Variants in ZNF318 observed in about 807,000 individuals in gnomAD.
ZNF318 encodes the protein zinc finger protein 318, also known as endocrine regulator.
ZNF318 carries 51 observed loss-of-function variants against 124.2 expected under a neutral mutation model. The ratio of observed to expected loss-of-function variants is 0.41; its 90% CI spans 0.33 to 0.52. The LOEUF is 0.52. ZNF318 is among the 20% of genes least tolerant of loss of function. ZNF318 has a pLI of 0.23. For synonymous variants in ZNF318, 1,090 were observed against 1,040.7 expected, an observed-to-expected ratio of 1.05 and a Z score of -0.91; for missense variants, 2,815 against 2,811.2, an observed-to-expected ratio of 1.00 and a Z score of -0.03.
intron 9 of ZNF318, 90 bp from the exon 10 acceptor site, chr6:43,340,592 G>A: frequency 6.7e-7 from 1 of 1,490,978 alleles, no homozygotes; most frequent in South Asian, 1.4e-5. Flanking sequence ...TCATTTAGTA[G>A]AAATCCCCAG....
chr6:43,348,527 C>T lies in ZNF318; in HGVS notation c.2869G>A (p.Ala957Thr), dbSNP rs1779480348. Residue 957 changes from alanine (A) to threonine (T), a missense_variant, in exon 6 of 10, where the codon GCA becomes ACA. This residue lies in a region of ZNF318 where 1,377 missense variants were observed against 1,353.5 expected (regional missense o/e 1.02). Coordinates refer to ENST00000361428, the MANE Select transcript of ZNF318 (RefSeq NM_014345.3). ...RLQDNIMKDIAELRQEAEEAE... is the reference protein window; with the variant it reads ...RLQDNIMKDITELRQEAEEAE... ...TCTTCTGCCTCTTGCCGTAGCTCTGCAATGTCCTTCATAATGTTATCCTGA... is the reference window on the plus strand; with the variant it reads ...TCTTCTGCCTCTTGCCGTAGCTCTGTAATGTCCTTCATAATGTTATCCTGA... The T allele has an allele frequency of 6.2e-7, 1 of 1,614,168 alleles. No homozygotes were observed.
rs1256271625 is a variant in ZNF318 at position 43,337,962 on chromosome 6, A to G, written c.6036T>C (p.Thr2012=). 2 of 1,614,232 alleles carry G rather than the reference A, an allele frequency of 1.2e-6. No homozygotes were observed. The highest frequency in any genetic ancestry group is 1.7e-6 in the Non-Finnish European group (2 of 1,180,038). Residue 2012 remains threonine, a synonymous_variant, in exon 10 of 10, where the codon ACT becomes ACC. Coordinates refer to ENST00000361428, the MANE Select transcript of ZNF318 (RefSeq NM_014345.3). The part of the protein sequence containing the change: ...EATDLKVEEL[T]ALGNLGDMPV... ...GCATATCCCCCAGATTCCCCAGGGC[A>G]GTAAGCTCCTCTACCTTTAAGTCTG...
Position 43,337,652 on chromosome 6 carries a change from C to A in ZNF318, c.6346G>T (p.Gly2116Cys). Residue 2116 changes from glycine to cysteine, a missense_variant, in exon 10 of 10, where the codon GGC becomes TGC. By Grantham distance (159) the Gly-to-Cys change is radical. Transcript: ENST00000361428. The part of the protein sequence containing the change: ...KTGLTENVDR[G>C]LGGLEGTHQA... ...TGTGTTCCCTCTAGGCCCCCCAAGC[C>A]ACGGTCAACATTTTCTGTAAGTCCA... is the stretch of plus-strand genomic sequence containing the variant. 1 of 1,614,130 alleles carries A rather than the reference C, an allele frequency of 6.2e-7. No individual in the cohort carries two copies. Among genetic ancestry groups the A allele is most frequent in the East Asian group, 2.2e-5 (1 of 44,880 alleles).
In ZNF318 at chr6:43,340,425, C is replaced by A. The variant is rs1453055822; in HGVS notation, c.3573G>T (p.Glu1191Asp). The A allele has an allele frequency of 6.2e-7, 1 of 1,614,142 alleles. No homozygotes were observed. The highest frequency in any genetic ancestry group is 8.5e-7 in the Non-Finnish European group (1 of 1,180,034). Residue 1191 changes from glutamate (E) to aspartate (D), a missense_variant, in exon 10 of 10, where the codon GAG becomes GAT. Physicochemically the swap from Glu to Asp is conservative, Grantham distance 45 (BLOSUM62 2). This residue lies in a region of ZNF318 where 500 missense variants were observed against 605.2 expected (regional missense o/e 0.83). Transcript: ENST00000361428. ...GCTCACTCTGCCGTCGCCGTTCTGT[C>A]TCTAGGACCACAGCCAAGCCAGCTT... ...DRQAGLAVVL[E>D]TERRRQSELK...
At chr6:43,347,404 A>T (rs2150751594) in intron 6 of ZNF318, among the ~76,000 whole-genome samples, 1 of 152,354 alleles carries the variant, frequency 6.6e-6, no homozygotes, top group South Asian at 2.1e-4. Flanking sequence ...GATAAGGTGC[A>T]TGGAATCGAG....
intron 1 of ZNF318, 118 bp from the exon 2 acceptor site, chr6:43,365,558 A>G: frequency 1.0e-6 from 1 of 981,830 alleles, no homozygotes; most frequent in Non-Finnish European, 1.5e-6. Flanking sequence ...TGTATACCCA[A>G]CACTTTGGGA....
intron 4 of ZNF318, among the ~76,000 whole-genome samples, chr6:43,354,381 G>C (rs1023770713): frequency 1.3e-5 from 2 of 152,148 alleles, no homozygotes; most frequent in African/African-American, 4.8e-5. Context: ...AAGGCTCCCA[G>C]TTCCTATCTA....
chr6:43,365,532 C>A, intron 1 of ZNF318, 92 bp from the exon 2 acceptor site: 12 of 1,322,178 alleles, frequency 9.1e-6, no homozygotes, highest in South Asian at 8.1e-5. Flanking sequence ...GTTAGCCAGG[C>A]ATGGTGGCTC....
At chr6:43,357,018 A>T in intron 3 of ZNF318, 108 bp downstream of exon 3, 1 of 1,333,426 alleles carries the variant, frequency 7.5e-7, no homozygotes, top group Non-Finnish European at 1.0e-6. Flanking sequence ...ATGTCGGTCC[A>T]GCACATATTA....
At chr6:43,346,579 G>C (rs111560579) in intron 6 of ZNF318, among the ~76,000 whole-genome samples, 3,091 of 134,906 alleles carry the variant, frequency 0.023, 107 homozygotes, top group African/African-American at 0.077. Flanking sequence ...GACGTAAGAA[G>C]AGTCTTTAAA....
chr6:43,361,324 A>G (rs1779679968), intron 2 of ZNF318, among the ~76,000 whole-genome samples: 2 of 152,354 alleles, frequency 1.3e-5, no homozygotes, highest in South Asian at 4.1e-4. Flanking sequence ...TAGCACTTGG[A>G]GAGGCCAGGG....
Position 43,354,826 on chromosome 6 carries a change from A to G in ZNF318, c.2508T>C (p.Arg836=), listed in dbSNP as rs1290403876. 1 of 1,614,204 alleles carries G rather than the reference A, an allele frequency of 6.2e-7. No individual in the cohort carries two copies. The highest frequency in any genetic ancestry group is 1.1e-5 in the South Asian group (1 of 91,090). Residue 836 remains arginine (R), a synonymous_variant, in exon 4 of 10, where the codon CGT becomes CGC. Transcript: ENST00000361428. ...TATCAGGAGTCACAGTGGGGATCACACGAAGATTGGGACGGCTACGAGTAG... is the reference window on the plus strand; with the variant it reads ...TATCAGGAGTCACAGTGGGGATCACGCGAAGATTGGGACGGCTACGAGTAG... ...KQATRSRPNL[R]VIPTVTPDKP... is the part of the protein sequence containing the mutation.
Position 43,339,384 on chromosome 6 carries a change from A to T in ZNF318, c.4614T>A (p.Pro1538=). ...TGAACACACTTGAGAGGGGTGGTGG[A>T]GGACGTACTAACACAGAGAACAGGG... ...DQTLFSVLVR[P]PPPLSSVFSE... Residue 1538 remains proline (P), a synonymous_variant, in exon 10 of 10, where the codon CCT becomes CCA. Coordinates refer to ENST00000361428, the MANE Select transcript of ZNF318 (RefSeq NM_014345.3). The surrounding 1 kb of genome is among the most constrained non-coding windows in gnomAD (Gnocchi z 4.2). The T allele has an allele frequency of 6.2e-7, 1 of 1,614,136 alleles. No individual in the cohort carries two copies. The highest frequency in any genetic ancestry group is 8.5e-7 in the Non-Finnish European group (1 of 1,180,020).
rs1779352204 is a variant in ZNF318, at chr6:43,340,139, TCTC to T, written c.3856_3858del (p.Glu1286del). The T allele has an allele frequency of 3.7e-6, 6 of 1,614,034 alleles. No individual in the cohort carries two copies. Among genetic ancestry groups the T allele is most frequent in the Non-Finnish European group, 3.4e-6 (4 of 1,180,034 alleles). On this transcript the variant is annotated inframe_deletion, in exon 10 of 10. Transcript: ENST00000361428. ...ATACTTGGGGTCACCAATGAACTTT[TCTC>T]CTCTTCTTTTTCTGGCTTCTTCCAG...
chr6:43,368,779 C>A, intron 1 of ZNF318, 188 bp downstream of exon 1: 1 of 985,422 alleles, frequency 1.0e-6, no homozygotes, highest in Non-Finnish European at 1.2e-6. Context: ...CCGTGCGCTC[C>A]CGAGTCCGTT....
chr6:43,368,782 AGTCCGTTATTGTGTCAACGCTCCCGG>A (rs1293983282), intron 1 of ZNF318, 159 bp downstream of exon 1: 1 of 985,228 alleles, frequency 1.0e-6, no homozygotes, highest in African/African-American at 1.7e-5. Context: ...TGCGCTCCCG[AGTCCGTTATTGTGTCAACGCTCCCGG>A]GTCTGACAGA....
In ZNF318 at chr6:43,337,393, G is replaced by A; in HGVS notation, c.6605C>T (p.Ser2202Phe). 1 of 1,614,150 alleles carries A rather than the reference G, an allele frequency of 6.2e-7. No homozygotes were observed. The highest frequency in any genetic ancestry group is 1.1e-5 in the South Asian group (1 of 91,080). The change falls in exon 10 of 10, where the codon TCC becomes TTC. Residue 2202 changes from serine to phenylalanine, a missense_variant. Coordinates refer to ENST00000361428, the MANE Select transcript of ZNF318 (RefSeq NM_014345.3). ...TAGCTGTAATGGCCCCAACTCCAGG[G>A]AACTACATTTAGAAGGGTCACCTGG... ...SEPGDPSKCSSLELGPLQLEI... is the reference protein window; with the variant it reads ...SEPGDPSKCSFLELGPLQLEI...
chr6:43,350,025 G>A (rs1035516762), intron 5 of ZNF318, among the ~76,000 whole-genome samples: 6 of 152,136 alleles, frequency 3.9e-5, no homozygotes, highest in Admixed American at 3.9e-4. Flanking sequence ...CGAGGCAGGC[G>A]GATCACCTGA....
rs1252077448 is a variant in ZNF318 at position 43,338,662 on chromosome 6, G to A, written c.5336C>T (p.Thr1779Ile). Reference sequence around the variant, plus strand: ...CTCCTTTACCCTTTCTTTTAGTTCAGTGTTTGTCTCTATCTCACTTTCTCT... The same window carrying A: ...CTCCTTTACCCTTTCTTTTAGTTCAATGTTTGTCTCTATCTCACTTTCTCT... ...DCRESEIETNTELKERVKELS... is the reference protein window; with the variant it reads ...DCRESEIETNIELKERVKELS... The change falls in exon 10 of 10, where the codon ACT becomes ATT. Residue 1779 changes from threonine (T) to isoleucine (I), a missense_variant. Thr to Ile is a moderately conservative substitution (Grantham distance 89). Coordinates refer to ENST00000361428, the MANE Select transcript of ZNF318 (RefSeq NM_014345.3). The A allele has an allele frequency of 3.1e-6, 5 of 1,614,008 alleles. No individual in the cohort carries two copies. Among genetic ancestry groups the A allele is most frequent in the African/African-American group, 1.3e-5 (1 of 74,914 alleles).
Sources: gnomAD v4.1 joint callset for allele counts (sites outside exome capture counted in the v4.1 genomes callset) on GRCh38, gnomAD v4.1.1 for gene constraint, gnomAD v4.1.1 regional missense constraint, Gnocchi (gnomAD v3.1) non-coding constraint, MANE v1.5 for transcripts, NCBI Gene and HGNC (gene_info 2026-07-23, HGNC 2026-07-21) for gene names.